ARHGEF33: variants seen among roughly 807,000 people sequenced by gnomAD.
ARHGEF33 encodes DH and coiled-coil domain-containing protein ENSP00000381780.
Under a neutral mutation model 101.9 loss-of-function variants are expected in ARHGEF33, and 72 were observed. That is an observed-to-expected ratio of 0.71 (90% CI 0.58 to 0.86). The LOEUF is 0.86. Among genes scored for constraint, ARHGEF33 ranks in the 40% least tolerant of loss-of-function variants. The pLI, the probability that ARHGEF33 is intolerant of heterozygous loss-of-function variation, is 0.00. For missense variants in ARHGEF33, 1,169 were observed against 1,111.3 expected, an observed-to-expected ratio of 1.05 and a Z score of -0.74; for synonymous variants, 499 against 442.5, an observed-to-expected ratio of 1.13 and a Z score of -1.60.
At chr2:38,920,673 G>A (rs1252454851) in intron 3 of ARHGEF33, among the ~76,000 whole-genome samples, 3 of 152,122 alleles carry the variant, frequency 2.0e-5, no homozygotes, top group Non-Finnish European at 4.4e-5. Context: ...CTCCCAAAGT[G>A]CTGGGATTAG....
rs560619053 is a variant in ARHGEF33 at position 38,901,470 on chromosome 2, G to A, written c.-86+5621G>A. ...AGGGCTGCAGCAGTAACCAGCTCCCGGGTAGGGCTCACTTCTGAGCTCGGT... is the reference window on the plus strand; with the variant it reads ...AGGGCTGCAGCAGTAACCAGCTCCCAGGTAGGGCTCACTTCTGAGCTCGGT... On this transcript the variant is annotated intron_variant, in intron 2 of 17. Transcript: ENST00000409978. Among the ~76,000 whole-genome samples, 11 of 152,298 alleles carry A rather than the reference G, an allele frequency of 7.2e-5. No homozygotes were observed. In the South Asian group the frequency reaches 1.9e-3, roughly 26 times the overall value.
chr2:38,973,895 T>C lies in ARHGEF33; in HGVS notation c.*52T>C. On this transcript the variant is annotated 3_prime_UTR_variant, in exon 18 of 18. Transcript: ENST00000409978. Reference sequence around the variant, plus strand: ...TGGTAAGATGAGGATAAAAAGCTTGTATATATCTGTGTAGGAATATATATA... The same window carrying C: ...TGGTAAGATGAGGATAAAAAGCTTGCATATATCTGTGTAGGAATATATATA... The C allele has an allele frequency of 7.0e-7, 1 of 1,427,580 alleles. No homozygotes were observed. Among genetic ancestry groups the C allele is most frequent in the Non-Finnish European group, 9.3e-7 (1 of 1,072,740 alleles). The allele number at this position is 1,427,580 out of a possible 1,614,324, so 88.4% of individuals were successfully genotyped here.
chr2:38,914,527 C>T (rs1017050646), intron 2 of ARHGEF33, among the ~76,000 whole-genome samples: 9 of 151,960 alleles, frequency 5.9e-5, no homozygotes, highest in Non-Finnish European at 7.4e-5. Flanking sequence ...ATTATCCAGG[C>T]GTGGTGGCAC....
intron 15 of ARHGEF33, chr2:38,959,589 A>T (rs1490182761): frequency 4.8e-6 from 2 of 420,126 alleles, no homozygotes; most frequent in African/African-American, 2.0e-5. Context: ...CGGGGTGATG[A>T]CAGTCCCTGG....
At chr2:38,953,828 T>C (rs1445946684) in intron 12 of ARHGEF33, among the ~76,000 whole-genome samples, 1 of 152,212 alleles carries the variant, frequency 6.6e-6, no homozygotes, top group East Asian at 1.9e-4. Context: ...AACCCCCCAC[T>C]ACTCCCAACC....
At chr2:38,907,979 C>T (rs1319151553) in intron 2 of ARHGEF33, among the ~76,000 whole-genome samples, 1 of 151,724 alleles carries the variant, frequency 6.6e-6, no homozygotes, top group East Asian at 1.9e-4. Context: ...CCACCTCAGC[C>T]TCTCAACTTG....
intron 17 of ARHGEF33, among the ~76,000 whole-genome samples, chr2:38,970,811 T>G (rs1668151372): frequency 6.6e-6 from 1 of 152,250 alleles, no homozygotes; most frequent in African/African-American, 2.4e-5. Flanking sequence ...GTTGGTTAAT[T>G]GCTGTCAGTC....
chr2:38,936,103 T>C (rs1667123545), intron 8 of ARHGEF33, among the ~76,000 whole-genome samples: 1 of 152,222 alleles, frequency 6.6e-6, no homozygotes, highest in Non-Finnish European at 1.5e-5. Flanking sequence ...TAAATTCACA[T>C]TTGCCAAAAA....
intron 2 of ARHGEF33, among the ~76,000 whole-genome samples, chr2:38,918,295 C>A (rs1666679581): frequency 6.6e-6 from 1 of 152,184 alleles, no homozygotes. Flanking sequence ...GAAAGAATAT[C>A]AAGTATCTGC....
chr2:38,910,888 G>A (rs1572743474), intron 2 of ARHGEF33, among the ~76,000 whole-genome samples: 1 of 152,210 alleles, frequency 6.6e-6, no homozygotes, highest in Non-Finnish European at 1.5e-5. Context: ...GTGGCATGAA[G>A]CAGTTTATTT....
intron 7 of ARHGEF33, among the ~76,000 whole-genome samples, chr2:38,934,130 C>A (rs557782905): frequency 6.6e-6 from 1 of 152,190 alleles, no homozygotes; most frequent in Admixed American, 6.5e-5. Flanking sequence ...ATTCTACCCA[C>A]TCAATATTGG....
intron 17 of ARHGEF33, chr2:38,972,032 C>T (rs1056575240): frequency 5.2e-5 from 36 of 693,664 alleles, no homozygotes; most frequent in South Asian, 7.7e-5. Flanking sequence ...AGGGGAAATA[C>T]GAGGCAAAGA....
intron 16 of ARHGEF33, among the ~76,000 whole-genome samples, chr2:38,963,970 T>C (rs1198502008): frequency 6.6e-6 from 1 of 152,194 alleles, no homozygotes; most frequent in African/African-American, 2.4e-5. Context: ...TCTGTTATTA[T>C]TACGTTGTAA....
At chr2:38,962,940 C>T (rs932565175) in intron 16 of ARHGEF33, among the ~76,000 whole-genome samples, 5 of 142,008 alleles carry the variant, frequency 3.5e-5, no homozygotes, top group East Asian at 2.1e-4. Context: ...GAGAGAATGG[C>T]GTGAACCCGG....
intron 4 of ARHGEF33, among the ~76,000 whole-genome samples, chr2:38,924,550 C>T (rs1202255267): frequency 6.6e-6 from 1 of 152,202 alleles, no homozygotes; most frequent in African/African-American, 2.4e-5. Flanking sequence ...TCAACTCCAA[C>T]TGTGTTTTAA....
Position 38,973,813 on chromosome 2 carries a change from A to G in ARHGEF33, c.2583A>G (p.Ala861=), listed in dbSNP as rs1378127993. 1.3e-6 allele frequency: 2 copies of G among 1,548,968 alleles called. No individual in the cohort carries two copies. The highest frequency in any genetic ancestry group is 1.7e-6 in the Non-Finnish European group (2 of 1,146,102). ...QDFFRNRLAL[A]NDLDQGTAV ...TCTTCAGAAACCGACTTGCTCTTGC[A>G]AATGACCTTGACCAAGGAACAGCTG... The change falls in exon 18 of 18, where the codon GCA becomes GCG. Residue 861 remains alanine (A), a synonymous_variant. Transcript: ENST00000409978.
intron 10 of ARHGEF33, among the ~76,000 whole-genome samples, chr2:38,945,667 G>A (rs1667428698): frequency 6.6e-6 from 1 of 152,256 alleles, no homozygotes; most frequent in Non-Finnish European, 1.5e-5. Context: ...ACCCTTTGGT[G>A]TGGCTTTGCT....
rs536164671 is a variant in ARHGEF33 at position 38,963,548 on chromosome 2, G to C, written c.2344-2458G>C. ...ACCTATCTCACAGGGTTGTTGGGAG[G>C]ATCAGGCCAAAGAAGATACAATTTT... On this transcript the variant is annotated intron_variant, in intron 16 of 17. Coordinates refer to ENST00000409978, the MANE Select transcript of ARHGEF33 (RefSeq NM_001145451.5). Among the ~76,000 whole-genome samples the C allele has an allele frequency of 5.3e-5, 8 of 152,268 alleles. No individual in the cohort carries two copies. In the South Asian group the frequency reaches 1.0e-3, roughly 20 times the overall value.
intron 2 of ARHGEF33, among the ~76,000 whole-genome samples, chr2:38,912,053 A>C (rs1396077307): frequency 6.6e-6 from 1 of 152,182 alleles, no homozygotes; most frequent in African/African-American, 2.4e-5. Flanking sequence ...AAAAAATATA[A>C]ACTGAAAACC....
Sources: gnomAD v4.1 joint callset for allele counts (sites outside exome capture counted in the v4.1 genomes callset) on GRCh38, gnomAD v4.1.1 for gene constraint, MANE v1.5 for transcripts, NCBI Gene and HGNC (gene_info 2026-07-23, HGNC 2026-07-21) for gene names.